Variants in CHRNB3 observed in about 807,000 individuals in gnomAD.
CHRNB3 encodes cholinergic receptor nicotinic beta 3 subunit.
In CHRNB3, 37 loss-of-function variants were observed where a neutral mutation model predicts 40.6. That is an observed-to-expected ratio of 0.91 (90% confidence interval 0.70 to 1.20). The LOEUF (loss-of-function observed/expected upper bound fraction) is 1.20. Among genes scored for constraint, CHRNB3 ranks in the 50% most tolerant of loss-of-function variants. The pLI is 0.00. For missense variants in CHRNB3, 505 were observed against 551.2 expected (o/e 0.92, Z 0.84); for synonymous variants, 207 against 207.1 (o/e 1.00, Z 0.00).
chr8:42,731,835 T>TG lies in CHRNB3; in HGVS notation c.529dup (p.Asp177GlyfsTer6), dbSNP rs1407530986. ...CCATGAAGTTTGGATCCTGGACTTATGATGGCACCATGGTTGACCTCATTT... is the reference window on the plus strand; with the variant it reads ...CCATGAAGTTTGGATCCTGGACTTATGGATGGCACCATGGTTGACCTCATTT... On this transcript the variant is annotated frameshift_variant, in exon 5 of 6. Transcript: ENST00000289957. LOFTEE classifies it high-confidence loss of function. The TG allele has an allele frequency of 1.2e-5, 19 of 1,614,106 alleles. No individual in the cohort carries two copies. Among genetic ancestry groups the TG allele is most frequent in the Non-Finnish European group, 1.6e-5 (19 of 1,180,030 alleles).
At chr8:42,721,417 C>T (rs544190202) in intron 3 of CHRNB3, among the ~76,000 whole-genome samples, 1 of 152,172 alleles carries the variant, frequency 6.6e-6, no homozygotes, top group South Asian at 2.1e-4. Context: ...TCTACATCAA[C>T]TCCAGACTCA....
chr8:42,732,742 T>C (rs1279277252), intron 5 of CHRNB3, among the ~76,000 whole-genome samples, 193 bp downstream of exon 5: 1 of 152,202 alleles, frequency 6.6e-6, no homozygotes, highest in Non-Finnish European at 1.5e-5. Flanking sequence ...TAGGAAGTAG[T>C]TCACAAAAAC....
In CHRNB3 at chr8:42,732,145, T is replaced by C. The variant is rs1816437486; in HGVS notation, c.838T>C (p.Leu280=). ...SVLVSLTVFL[L]VIEEIIPSSS... is the part of the protein sequence containing the mutation. ...CTTGGTTTCTCTGACAGTTTTCCTT[T>C]TAGTGATTGAAGAAATCATCCCATC... The change falls in exon 5 of 6, where the codon TTA becomes CTA. Residue 280 remains leucine (L), a synonymous_variant. Coordinates refer to ENST00000289957, the MANE Select transcript of CHRNB3 (RefSeq NM_000749.5). 2 of 1,611,758 alleles carry C rather than the reference T, an allele frequency of 1.2e-6. No individual in the cohort carries two copies. Among genetic ancestry groups the C allele is most frequent in the Non-Finnish European group, 1.7e-6 (2 of 1,179,438 alleles).
At chr8:42,714,218 G>A (rs1033949917) in intron 3 of CHRNB3, among the ~76,000 whole-genome samples, 6 of 152,172 alleles carry the variant, frequency 3.9e-5, no homozygotes, top group Admixed American at 2.6e-4. Flanking sequence ...CTTTTTGGCC[G>A]GGCGTGGTGG....
intron 3 of CHRNB3, 124 bp from the exon 4 acceptor site, chr8:42,730,470 A>C (rs551966783): frequency 4.9e-6 from 3 of 611,942 alleles, no homozygotes. Flanking sequence ...CACGCAGTCC[A>C]ACCGGGACAA....
intron 2 of CHRNB3, among the ~76,000 whole-genome samples, chr8:42,709,241 G>A (rs116476051): frequency 0.011 from 1,684 of 152,244 alleles, 34 homozygotes; most frequent in African/African-American, 0.039. Context: ...TGTGCCCTGG[G>A]CTGGTAGGGG....
chr8:42,700,075 G>A (rs1039726781), intron 1 of CHRNB3, among the ~76,000 whole-genome samples: 10 of 147,128 alleles, frequency 6.8e-5, no homozygotes, highest in Non-Finnish European at 1.2e-4. Context: ...GTACAGTGGC[G>A]CGATCTCTGC....
intron 2 of CHRNB3, among the ~76,000 whole-genome samples, chr8:42,709,684 G>A (rs1357040026): frequency 6.6e-6 from 1 of 152,198 alleles, no homozygotes; most frequent in Non-Finnish European, 1.5e-5. Flanking sequence ...AGGCTGGAAT[G>A]CAGAAGGGTG....
chr8:42,702,738 G>A (rs1486179706), intron 1 of CHRNB3, among the ~76,000 whole-genome samples: 2 of 152,030 alleles, frequency 1.3e-5, no homozygotes, highest in African/African-American at 4.8e-5. Flanking sequence ...ACTCCAGCCT[G>A]GCAACAGAGT....
chr8:42,730,718 G>A lies in CHRNB3; in HGVS notation c.359+15G>A, dbSNP rs749068209. On this transcript the variant is annotated intron_variant, in intron 4 of 5. Coordinates refer to ENST00000289957, the MANE Select transcript of CHRNB3 (RefSeq NM_000749.5). ...CTCTTTGAAAAGTAAGTATCACATTGTTTCTTACTTATGGGGAAAAAAATA... is the reference window on the plus strand; with the variant it reads ...CTCTTTGAAAAGTAAGTATCACATTATTTCTTACTTATGGGGAAAAAAATA... The A allele has an allele frequency of 6.7e-7, 1 of 1,488,048 alleles. No homozygotes were observed. The highest frequency in any genetic ancestry group is 9.2e-7 in the Non-Finnish European group (1 of 1,084,964). The allele number at this position is 1,488,048 out of a possible 1,614,324, so 92.2% of individuals were successfully genotyped here. A position where few individuals can be genotyped will look rare whatever the true frequency, so the allele number is the denominator to read the frequency against.
chr8:42,703,460 A>G lies in CHRNB3; in HGVS notation c.53-5257A>G, dbSNP rs1472165577. Among the ~76,000 whole-genome samples, 16 of 121,354 alleles carry G rather than the reference A, an allele frequency of 1.3e-4. 1 individual carries two copies. The highest frequency in any genetic ancestry group is 5.9e-4 in the South Asian group (2 of 3,378). 79.6% of individuals were successfully genotyped at this position (121,354 alleles called of 152,430 possible). ...AATATTTATATATATATATATATAT[A>G]TGTATCCACAATGGGGGACACTCAT... On this transcript the variant is annotated intron_variant, in intron 1 of 5. Transcript: ENST00000289957.
intron 3 of CHRNB3, chr8:42,726,103 T>C (rs1487777970): frequency 2.6e-5 from 30 of 1,149,386 alleles, no homozygotes; most frequent in Non-Finnish European, 3.7e-5. Context: ...CTTTTCTTTT[T>C]CTCTGCTCCT....
chr8:42,717,255 T>C (rs1279089610), intron 3 of CHRNB3, among the ~76,000 whole-genome samples: 1 of 137,692 alleles, frequency 7.3e-6, no homozygotes, highest in Non-Finnish European at 1.6e-5. Context: ...GCGCCTGTAG[T>C]CCCAGCTACT....
At chr8:42,711,849 TC>T (rs1816021530) in intron 3 of CHRNB3, among the ~76,000 whole-genome samples, 1 of 151,866 alleles carries the variant, frequency 6.6e-6, no homozygotes, top group Non-Finnish European at 1.5e-5. Flanking sequence ...CCTTCCTCCT[TC>T]CCTCCCTTCC....
chr8:42,730,634 A>T lies in CHRNB3; in HGVS notation c.290A>T (p.Tyr97Phe). The change falls in exon 4 of 6, where the codon TAT becomes TTT. Residue 97 changes from tyrosine to phenylalanine, a missense_variant. Tyr to Phe is a conservative substitution (Grantham distance 22, BLOSUM62 3). Coordinates refer to ENST00000289957, the MANE Select transcript of CHRNB3 (RefSeq NM_000749.5). ...AAGTTACGCTGGAATCCTGATGATT[A>T]TGGTGGGATCCATTCCATTAAAGTT... ...DHKLRWNPDDYGGIHSIKVPS... is the reference protein window; with the variant it reads ...DHKLRWNPDDFGGIHSIKVPS... 1 of 1,609,302 alleles carries T rather than the reference A, an allele frequency of 6.2e-7. No individual in the cohort carries two copies. Among genetic ancestry groups the T allele is most frequent in the Non-Finnish European group, 8.5e-7 (1 of 1,177,126 alleles).
intron 2 of CHRNB3, among the ~76,000 whole-genome samples, chr8:42,709,157 AG>A (rs1815970349): frequency 2.0e-5 from 3 of 152,160 alleles, no homozygotes; most frequent in African/African-American, 7.2e-5. Flanking sequence ...ACACCCAGGG[AG>A]GAGGGCTGGG....
chr8:42,716,830 CG>C (rs1816117762), intron 3 of CHRNB3, among the ~76,000 whole-genome samples: 1 of 152,016 alleles, frequency 6.6e-6, no homozygotes, highest in Non-Finnish European at 1.5e-5. Flanking sequence ...CTGAGCTGGG[CG>C]CTGTTGCATA....
Position 42,731,673 on chromosome 8 carries a change from C to G in CHRNB3, c.366C>G (p.Asp122Glu). 6.2e-7 allele frequency: 1 copy of G among 1,603,876 alleles called. No homozygotes were observed. The highest frequency in any genetic ancestry group is 1.1e-5 in the South Asian group (1 of 89,534). Residue 122 changes from aspartate to glutamate, a missense_variant, in exon 5 of 6, where the codon GAC (aspartate) becomes GAG (glutamate). By Grantham distance (45) the Asp-to-Glu change is conservative. Transcript: ENST00000289957. Reference protein sequence around the residue: ...LPDIVLFENADGRFEGSLMTK... With the variant: ...LPDIVLFENAEGRFEGSLMTK... ...GAAACTGCTTTGATTGCAGTGCTGA[C>G]GGCCGCTTCGAAGGCTCCCTGATGA...
intron 1 of CHRNB3, among the ~76,000 whole-genome samples, chr8:42,702,435 C>A (rs1304552084): frequency 6.6e-6 from 1 of 152,094 alleles, no homozygotes; most frequent in South Asian, 2.1e-4. Flanking sequence ...CACACCCAGC[C>A]CCACAGGAAA....
Sources: gnomAD v4.1 joint callset for allele counts (sites outside exome capture counted in the v4.1 genomes callset) on GRCh38, gnomAD v4.1.1 for gene constraint, MANE v1.5 for transcripts, NCBI Gene and HGNC (gene_info 2026-07-23, HGNC 2026-07-21) for gene names.